RNF144A: variants seen among roughly 807,000 people sequenced by gnomAD.
The protein encoded by RNF144A is E3 ubiquitin-protein ligase RNF144A.
Under a neutral mutation model 38.7 loss-of-function variants are expected in RNF144A, and 11 were observed. That is an observed-to-expected ratio of 0.28 (90% CI 0.18 to 0.47). RNF144A has a LOEUF of 0.47. RNF144A is among the 20% of genes least tolerant of loss of function. The pLI, the probability that RNF144A is intolerant of heterozygous loss-of-function variation, is 0.99. For missense variants in RNF144A, 316 were observed against 377.2 expected, an observed-to-expected ratio of 0.84 and a Z score of 1.34; for synonymous variants, 149 against 143.9, an observed-to-expected ratio of 1.04 and a Z score of -0.25.
chr2:7,029,270 C>T (rs556945190), intron 7 of RNF144A, among the ~76,000 whole-genome samples: 2 of 152,334 alleles, frequency 1.3e-5, no homozygotes, highest in East Asian at 1.9e-4. Context: ...GGATTGAAAA[C>T]GGTGCCTCCT....
At chr2:7,071,358 G>T (rs1674476720), downstream of RNF144A, among the ~76,000 whole-genome samples, 1 of 152,208 alleles carries the variant, frequency 6.6e-6, no homozygotes, top group Admixed American at 6.5e-5. Flanking sequence ...GCACTGCAGA[G>T]TTCCTTATGT....
intron 8 of RNF144A, among the ~76,000 whole-genome samples, chr2:7,037,708 G>C (rs182976823): frequency 8.5e-5 from 13 of 152,352 alleles, no homozygotes; most frequent in Admixed American, 6.5e-5. Context: ...TTGATTTTCA[G>C]GAGAAATCTC....
downstream of RNF144A, among the ~76,000 whole-genome samples, chr2:7,046,658 C>T (rs1258607695): frequency 6.6e-6 from 1 of 152,202 alleles, no homozygotes; most frequent in Non-Finnish European, 1.5e-5. Context: ...GGACCCTCTT[C>T]CCTCCTGTTT....
chr2:7,020,909 G>A, intron 6 of RNF144A: 1 of 569,172 alleles, frequency 1.8e-6, no homozygotes, highest in Admixed American at 3.1e-5. Context: ...AAATAGAAAG[G>A]TGTGTGAGAA....
intron 1 of RNF144A, among the ~76,000 whole-genome samples, chr2:6,926,947 C>G (rs1664914002): frequency 6.6e-6 from 1 of 152,190 alleles, no homozygotes; most frequent in Admixed American, 6.5e-5. Context: ...GCGGGGGTGC[C>G]CTTTCTGAAA....
intron 1 of RNF144A, among the ~76,000 whole-genome samples, chr2:6,935,492 C>T (rs953460821): frequency 2.0e-5 from 3 of 152,220 alleles, no homozygotes; most frequent in African/African-American, 7.2e-5. Context: ...ATCCTCAGGC[C>T]TCTTTTCCTG....
intron 6 of RNF144A, 55 bp from the exon 7 acceptor site, chr2:7,024,314 C>CTGGG (rs1465018879): frequency 1.3e-6 from 2 of 1,508,184 alleles, no homozygotes; most frequent in Non-Finnish European, 1.8e-6. Flanking sequence ...GCCAGTGCTC[C>CTGGG]TGGGTCTCCC....
At chr2:7,072,178 G>A (rs963868419), downstream of RNF144A, among the ~76,000 whole-genome samples, 4 of 152,238 alleles carry the variant, frequency 2.6e-5, no homozygotes, top group African/African-American at 9.6e-5. Context: ...TTAGCCACAT[G>A]CTAGACAAAG....
At chr2:7,027,290 A>T (rs566696157) in intron 7 of RNF144A, among the ~76,000 whole-genome samples, 5 of 152,324 alleles carry the variant, frequency 3.3e-5, no homozygotes, top group African/African-American at 9.6e-5. Flanking sequence ...TGCTGGCCCA[A>T]CATTTGCTAT....
downstream of RNF144A, among the ~76,000 whole-genome samples, chr2:7,070,776 C>T (rs554847975): frequency 7.9e-5 from 12 of 152,212 alleles, no homozygotes; most frequent in South Asian, 6.2e-4. Context: ...CAAAAAAGTT[C>T]CGCGATTGCC....
chr2:7,039,518 G>A (rs1672912445), intron 8 of RNF144A, 111 bp from the exon 9 acceptor site: 1 of 1,521,330 alleles, frequency 6.6e-7, no homozygotes, highest in Non-Finnish European at 8.9e-7. Flanking sequence ...ATGGATGGTT[G>A]GGTGGATGGA....
chr2:7,006,111 A>G (rs1670426798), intron 3 of RNF144A, among the ~76,000 whole-genome samples: 1 of 151,914 alleles, frequency 6.6e-6, no homozygotes, highest in Non-Finnish European at 1.5e-5. Context: ...CCCGGATCCC[A>G]ACAATCTCTG....
chr2:7,005,164 G>T (rs574001180), intron 3 of RNF144A, among the ~76,000 whole-genome samples: 1 of 152,328 alleles, frequency 6.6e-6, no homozygotes, highest in Admixed American at 6.5e-5. Flanking sequence ...AGTTTTCAAA[G>T]TGTTCTTCAG....
chr2:7,040,892 C>T lies in RNF144A; in HGVS notation c.*1132C>T. The T allele has an allele frequency of 2.0e-6, 2 of 985,442 alleles. No individual in the cohort carries two copies. Among genetic ancestry groups the T allele is most frequent in the Non-Finnish European group, 2.4e-6 (2 of 829,934 alleles). 61.0% of individuals were successfully genotyped at this position (985,442 alleles called of 1,614,324 possible). Reference sequence around the variant, plus strand: ...TGCTCTTGTTGGGGAAAAGAACCTCCCATTTCACTTCGTTTTAACGTGGGG... The same window carrying T: ...TGCTCTTGTTGGGGAAAAGAACCTCTCATTTCACTTCGTTTTAACGTGGGG... On this transcript the variant is annotated 3_prime_UTR_variant, in exon 9 of 9. Coordinates refer to ENST00000320892, the MANE Select transcript of RNF144A (RefSeq NM_014746.6).
chr2:6,937,393 C>T (rs1173597659), intron 1 of RNF144A, among the ~76,000 whole-genome samples: 1 of 152,236 alleles, frequency 6.6e-6, no homozygotes, highest in African/African-American at 2.4e-5. Flanking sequence ...GCTCCCAACA[C>T]ACCCCTCTGG....
intron 6 of RNF144A, among the ~76,000 whole-genome samples, chr2:7,053,137 A>C (rs575591618): frequency 2.6e-5 from 4 of 152,264 alleles, no homozygotes; most frequent in African/African-American, 7.2e-5. Flanking sequence ...ATATAATATA[A>C]GAGTTGGAAG....
intron 8 of RNF144A, among the ~76,000 whole-genome samples, chr2:7,035,538 G>C (rs1672616258): frequency 6.6e-6 from 1 of 152,176 alleles, no homozygotes; most frequent in Admixed American, 6.5e-5. Flanking sequence ...AGAACTTCTT[G>C]CCCAAGTCAG....
Position 6,944,482 on chromosome 2 carries a change from G to A in RNF144A, c.-12+3335G>A, listed in dbSNP as rs919363079. Among the ~76,000 whole-genome samples, 2 of 152,192 alleles carry A rather than the reference G, an allele frequency of 1.3e-5. No individual in the cohort carries two copies. Among genetic ancestry groups the A allele is most frequent in the Non-Finnish European group, 2.9e-5 (2 of 68,038 alleles). On this transcript the variant is annotated intron_variant, in intron 2 of 8. Coordinates refer to ENST00000320892, the MANE Select transcript of RNF144A (RefSeq NM_014746.6). This position sits in a 1 kb window ranked among gnomAD's most constrained non-coding sequence, Gnocchi z 4.7. ...GTCACGGTTGCATTTCCTGGCTGGGGCACTGTGGCCCAGATGTGGCCACTG... is the reference window on the plus strand; with the variant it reads ...GTCACGGTTGCATTTCCTGGCTGGGACACTGTGGCCCAGATGTGGCCACTG...
chr2:7,014,541 C>A lies in RNF144A; in HGVS notation c.223C>A (p.His75Asn). 1 of 1,601,788 alleles carries A rather than the reference C, an allele frequency of 6.2e-7. No homozygotes were observed. The highest frequency in any genetic ancestry group is 8.5e-7 in the Non-Finnish European group (1 of 1,174,298). Residue 75 changes from histidine (H) to asparagine (N), a missense_variant, in exon 4 of 9, where the codon CAC becomes AAC. Coordinates refer to ENST00000320892, the MANE Select transcript of RNF144A (RefSeq NM_014746.6). ...CPDAACPKQG[H>N]LQENEIECMV... ...AGATGCTGCCTGCCCTAAACAGGGC[C>A]ACCTACAGGAGAACGAGGCATGTGC...
Sources: gnomAD v4.1 joint callset for allele counts (sites outside exome capture counted in the v4.1 genomes callset) on GRCh38, gnomAD v4.1.1 for gene constraint, Gnocchi (gnomAD v3.1) non-coding constraint, MANE v1.5 for transcripts, NCBI Gene and HGNC (gene_info 2026-07-23, HGNC 2026-07-21) for gene names.